Variants in TOP1MT observed in about 807,000 individuals in gnomAD.
The protein encoded by TOP1MT is DNA topoisomerase I, mitochondrial.
A neutral mutation model predicts 73.9 loss-of-function variants in TOP1MT; 80 were observed. The observed-to-expected ratio is 1.08, with a 90% confidence interval of 0.90 to 1.30. The LOEUF is 1.30. Among genes scored for constraint, TOP1MT ranks in the 50% most tolerant of loss-of-function variants. TOP1MT has a pLI of 0.00. For missense variants in TOP1MT, 815 were observed against 808.0 expected, an observed-to-expected ratio of 1.01 and a Z score of -0.10; for synonymous variants, 338 against 326.4, an observed-to-expected ratio of 1.04 and a Z score of -0.38.
intron 7 of TOP1MT, among the ~76,000 whole-genome samples, chr8:143,322,698 C>CGCACGCAACACACGCACGCCACACAG (rs2130130640): frequency 6.4e-5 from 3 of 46,998 alleles, no homozygotes; most frequent in Admixed American, 2.0e-4. Flanking sequence ...GCACGCCACA[C>CGCACGCAACACACGCACGCCACACAG]GCACGCCACA....
intron 1 of TOP1MT, chr8:143,332,618 T>C (rs1563767163): frequency 7.9e-7 from 1 of 1,258,180 alleles, no homozygotes; most frequent in South Asian, 1.2e-5. Context: ...GGGGAAAGCA[T>C]GTGCAACAGA....
chr8:143,347,349 G>T (rs993386249), upstream of TOP1MT, among the ~76,000 whole-genome samples: 2 of 152,294 alleles, frequency 1.3e-5, no homozygotes, highest in Non-Finnish European at 2.9e-5. Context: ...TAGAGACAGG[G>T]TTTCACCATG....
chr8:143,314,788 T>C (rs1816107539), intron 12 of TOP1MT, among the ~76,000 whole-genome samples: 1 of 152,074 alleles, frequency 6.6e-6, no homozygotes, highest in African/African-American at 2.4e-5. Flanking sequence ...AGATCATAGA[T>C]ATGATTATAT....
chr8:143,321,420 C>T (rs777880181), intron 7 of TOP1MT, 34 bp from the exon 8 acceptor site: 4 of 1,528,234 alleles, frequency 2.6e-6, no homozygotes, highest in African/African-American at 1.4e-5. Context: ...GTGGGTGGTG[C>T]GTGCACACGC....
At chr8:143,323,026 A>C (rs1816554909) in intron 7 of TOP1MT, among the ~76,000 whole-genome samples, 1 of 65,864 alleles carries the variant, frequency 1.5e-5, no homozygotes, top group Non-Finnish European at 2.9e-5. Flanking sequence ...ACATGCACAC[A>C]CACACATGCA....
In TOP1MT at chr8:143,341,750, A is replaced by G. The variant is rs2931719; in HGVS notation, c.29+1470T>C. ...ACTGCCAGCGTCCACCCTGACCCAG[A>G]CACAAAACACCAGAAAGGGAAGGTC... On this transcript the variant is annotated intron_variant, in intron 2 of 5. Coordinates refer to the TOP1MT transcript ENST00000518007. This position sits in a 1 kb window ranked among gnomAD's most constrained non-coding sequence, Gnocchi z 4.1. 0.12 allele frequency among the ~76,000 whole-genome samples: 18,180 copies of G among 152,164 alleles called. 3,646 individuals carry two copies. The highest frequency in any genetic ancestry group is 0.41 in the African/African-American group (17,124 of 41,438).
At chr8:143,334,648 A>G in intron 1 of TOP1MT, 92 bp downstream of exon 1, 4 of 1,537,104 alleles carry the variant, frequency 2.6e-6, no homozygotes, top group Non-Finnish European at 3.5e-6. Context: ...AAGCAGGGCA[A>G]GGCCGTCCCA....
chr8:143,336,504 C>T (rs1419879246), upstream of TOP1MT, among the ~76,000 whole-genome samples: 2 of 152,168 alleles, frequency 1.3e-5, no homozygotes, highest in Non-Finnish European at 2.9e-5. Context: ...AGACTGGACG[C>T]TCCTGCTGAA....
intron 13 of TOP1MT, 193 bp downstream of exon 13, chr8:143,309,875 T>C (rs1278215464): frequency 2.6e-6 from 4 of 1,544,594 alleles, no homozygotes; most frequent in Non-Finnish European, 3.5e-6. Context: ...CTTCACCCTG[T>C]CCATCCGAAC....
chr8:143,317,665 G>C, intron 10 of TOP1MT, 58 bp downstream of exon 10: 1 of 1,454,714 alleles, frequency 6.9e-7, no homozygotes, highest in Non-Finnish European at 9.4e-7. Context: ...CGGGGAGCCC[G>C]GTCTGGGGCA....
chr8:143,334,997 A>G, upstream of TOP1MT: 1 of 945,804 alleles, frequency 1.1e-6, no homozygotes, highest in Middle Eastern at 4.0e-4. Flanking sequence ...GGGCGGTCTA[A>G]GCCTGCACGG....
At chr8:143,329,609 C>A in intron 2 of TOP1MT, 138 bp from the exon 3 acceptor site, 2 of 1,040,542 alleles carry the variant, frequency 1.9e-6, no homozygotes, top group Non-Finnish European at 2.7e-6. Flanking sequence ...TCTGTAAGTT[C>A]AGAAGCATGT....
chr8:143,314,652 A>G (rs1320094485), intron 12 of TOP1MT, among the ~76,000 whole-genome samples: 1 of 151,898 alleles, frequency 6.6e-6, no homozygotes, highest in East Asian at 1.9e-4. Flanking sequence ...GGCCATGGGA[A>G]GGCGCGTCTG....
At chr8:143,348,762 T>C (rs1817272391), upstream of TOP1MT, among the ~76,000 whole-genome samples, 1 of 151,898 alleles carries the variant, frequency 6.6e-6, no homozygotes, top group Non-Finnish European at 1.5e-5. The surrounding 1 kb of genome is among the most constrained non-coding windows in gnomAD (Gnocchi z 4.6). Flanking sequence ...GCATGGAGAA[T>C]GGACGCCAGC....
At position 143,324,465 on chromosome 8, in the gene TOP1MT, C is replaced by A. The variant is rs1481771581; in HGVS notation, c.816+20G>T. 1 of 1,613,670 alleles carries A rather than the reference C, an allele frequency of 6.2e-7. No homozygotes were observed. Among genetic ancestry groups the A allele is most frequent in the Non-Finnish European group, 8.5e-7 (1 of 1,179,956 alleles). Reference sequence around the variant, plus strand: ...GGGGACCTCCTGGGGAGGAAACACCCTGCCAAGCCCTGCGCTCACCTTCAG... The same window carrying A: ...GGGGACCTCCTGGGGAGGAAACACCATGCCAAGCCCTGCGCTCACCTTCAG... On this transcript the variant is annotated intron_variant, in intron 6 of 13. Coordinates refer to ENST00000329245, the MANE Select transcript of TOP1MT (RefSeq NM_052963.3).
At chr8:143,332,655 T>C (rs1173697196) in intron 1 of TOP1MT, 1 of 1,043,684 alleles carries the variant, frequency 9.6e-7, no homozygotes, top group East Asian at 6.0e-5. Context: ...TTTCTGGCTG[T>C]TTCTGCAGAG....
chr8:143,318,048 G>A lies in TOP1MT; in HGVS notation c.1185C>T (p.Asp395=), dbSNP rs375045202. ...GCCTGTCGAAGAGGTCGTCCCGGGGGTCCTTGTTCTCCATAAAGAGCTGTA... is the reference window on the plus strand; with the variant it reads ...GCCTGTCGAAGAGGTCGTCCCGGGGATCCTTGTTCTCCATAAAGAGCTGTA... ...KNLQLFMENK[D]PRDDLFDRLT... is the part of the protein sequence containing the mutation. The change falls in exon 9 of 14, where the codon GAC becomes GAT. Residue 395 remains aspartate, a synonymous_variant. Coordinates refer to ENST00000329245, the MANE Select transcript of TOP1MT (RefSeq NM_052963.3). 7 of 1,614,028 alleles carry A rather than the reference G, an allele frequency of 4.3e-6. No individual in the cohort carries two copies. The African/African-American group carries it at 6.7e-5, about 15-fold the overall frequency.
Position 143,342,608 on chromosome 8 carries a change from GTTATTA to G in TOP1MT, c.29+606_29+611del, listed in dbSNP as rs1307516258. Among the ~76,000 whole-genome samples the G allele has an allele frequency of 2.8e-4, 13 of 45,804 alleles. 1 individual carries two copies. Among genetic ancestry groups the G allele is most frequent in the Non-Finnish European group, 3.9e-4 (11 of 28,434 alleles). 30.0% of individuals were successfully genotyped at this position (45,804 alleles called of 152,430 possible). On this transcript the variant is annotated intron_variant, in intron 2 of 5. Coordinates refer to the TOP1MT transcript ENST00000518007. ...TTATTATTAGAGACAGAGTCTCGCT[GTTATTA>G]TTATTATTATTAGAGACAGTCTCGC...
At chr8:143,314,263 T>A (rs1210323095) in intron 12 of TOP1MT, among the ~76,000 whole-genome samples, 1 of 152,078 alleles carries the variant, frequency 6.6e-6, no homozygotes, top group Non-Finnish European at 1.5e-5. Context: ...GCTCCATGTG[T>A]CCCACTCTTG....
Sources: allele counts gnomAD v4.1 joint callset (sites outside exome capture counted in the v4.1 genomes callset), GRCh38; gene constraint gnomAD v4.1.1; non-coding constraint Gnocchi (gnomAD v3.1); transcripts MANE v1.5; gene names NCBI Gene and HGNC (gene_info 2026-07-23, HGNC 2026-07-21).